XXYLT1: variants seen among roughly 807,000 people sequenced by gnomAD.
XXYLT1 encodes the protein UDP-xylose:alpha-xyloside alpha-1,3-xylosyltransferase.
XXYLT1 carries 20 observed loss-of-function variants against 28.9 expected under a neutral mutation model. The ratio of observed to expected loss-of-function variants is 0.69; its 90% CI spans 0.49 to 1.00. The LOEUF (loss-of-function observed/expected upper bound fraction) is 1.00, where lower values mean the gene tolerates loss of function less well. Among genes scored for constraint, XXYLT1 ranks in the 50% least tolerant of loss-of-function variants. The pLI is 0.00. For synonymous variants in XXYLT1, 257 were observed against 253.8 expected (o/e 1.01, Z -0.12); for missense variants, 542 against 560.1 (o/e 0.97, Z 0.33).
At position 195,171,028 on chromosome 3, in the gene XXYLT1, T is replaced by G. The variant is rs182395106; in HGVS notation, c.653-14447A>C. Among the ~76,000 whole-genome samples the G allele has an allele frequency of 1.1e-3, 167 of 152,324 alleles. 1 individual carries two copies. Among genetic ancestry groups the G allele is most frequent in the Non-Finnish European group, 2.1e-3 (146 of 68,030 alleles). On this transcript the variant is annotated intron_variant, in intron 2 of 3. Transcript: ENST00000310380. Reference sequence around the variant, plus strand: ...TCCCTTCCTGTCAGATTTAAATGACTGTGTAAACCTCACTGCAGACAATGA... The same window carrying G: ...TCCCTTCCTGTCAGATTTAAATGACGGTGTAAACCTCACTGCAGACAATGA...
intron 3 of XXYLT1, among the ~76,000 whole-genome samples, chr3:195,073,553 G>A (rs891782761): frequency 2.6e-5 from 4 of 152,126 alleles, no homozygotes; most frequent in African/African-American, 9.7e-5. Context: ...GGCCTGTGGA[G>A]AGTCTTGTTC....
At chr3:195,111,160 T>C (rs946064672) in intron 3 of XXYLT1, among the ~76,000 whole-genome samples, 1 of 152,018 alleles carries the variant, frequency 6.6e-6, no homozygotes, top group Admixed American at 6.6e-5. Context: ...TCTTTGCTAT[T>C]CCTTAGCACG....
intron 3 of XXYLT1, among the ~76,000 whole-genome samples, chr3:195,109,880 T>G (rs1452128951): frequency 1.9e-5 from 1 of 52,938 alleles, no homozygotes; most frequent in Non-Finnish European, 4.8e-5. Flanking sequence ...TATGTGTGCA[T>G]GTGTGTGGGT....
chr3:195,105,085 C>G (rs1717012732), intron 3 of XXYLT1, among the ~76,000 whole-genome samples: 1 of 152,182 alleles, frequency 6.6e-6, no homozygotes, highest in Non-Finnish European at 1.5e-5. Flanking sequence ...TGTATTTCAT[C>G]CATATAACCA....
At chr3:195,170,477 C>T (rs1172001793) in intron 2 of XXYLT1, among the ~76,000 whole-genome samples, 4 of 152,240 alleles carry the variant, frequency 2.6e-5, no homozygotes, top group Non-Finnish European at 5.9e-5. Context: ...GCTTCTGCAA[C>T]CTTCCTGCTT....
chr3:195,102,759 C>A (rs191608633), intron 3 of XXYLT1, among the ~76,000 whole-genome samples: 1 of 152,150 alleles, frequency 6.6e-6, no homozygotes, highest in African/African-American at 2.4e-5. Flanking sequence ...CTGTGAATAA[C>A]GTTGCCGTGA....
intron 3 of XXYLT1, among the ~76,000 whole-genome samples, chr3:195,153,573 T>C (rs1361781537): frequency 7.9e-5 from 12 of 152,210 alleles, no homozygotes; most frequent in Admixed American, 7.8e-4. Context: ...TAGTACATAA[T>C]GAAAATTAAA....
At chr3:195,083,726 C>A (rs75650619) in intron 3 of XXYLT1, among the ~76,000 whole-genome samples, 2,526 of 152,266 alleles carry the variant, frequency 0.017, 71 homozygotes, top group African/African-American at 0.058. Flanking sequence ...AATGGAGGCC[C>A]AGAGAGTTAC....
chr3:195,160,109 A>T lies in XXYLT1; in HGVS notation c.653-3528T>A, dbSNP rs536043403. Among the ~76,000 whole-genome samples, 7 of 152,188 alleles carry T rather than the reference A, an allele frequency of 4.6e-5. No individual in the cohort carries two copies. In the East Asian group the frequency reaches 1.4e-3, roughly 29 times the overall value. On this transcript the variant is annotated intron_variant, in intron 2 of 3. Coordinates refer to ENST00000310380, the MANE Select transcript of XXYLT1 (RefSeq NM_152531.5). The stretch of plus-strand genomic sequence containing the variant: ...GGAAAAAAAAATCCAGAAGAAAAAA[A>T]TAGTGAGCCTTCTGTCCTCTCCTTT...
At chr3:195,087,668 C>T (rs1460027974) in intron 3 of XXYLT1, among the ~76,000 whole-genome samples, 2 of 152,188 alleles carry the variant, frequency 1.3e-5, no homozygotes, top group Non-Finnish European at 2.9e-5. Context: ...AAATTAGATG[C>T]TACTGGAGGA....
At chr3:195,102,676 T>C (rs1297265282) in intron 3 of XXYLT1, among the ~76,000 whole-genome samples, 1 of 152,228 alleles carries the variant, frequency 6.6e-6, no homozygotes, top group African/African-American at 2.4e-5. Flanking sequence ...TGTGTGTGTG[T>C]GTCTTGTATG....
At chr3:195,164,151 G>T (rs574216409) in intron 2 of XXYLT1, among the ~76,000 whole-genome samples, 1 of 152,216 alleles carries the variant, frequency 6.6e-6, no homozygotes, top group African/African-American at 2.4e-5. Flanking sequence ...CCCACAGAAG[G>T]CAAGAAGTAA....
chr3:195,235,459 A>G (rs1467463982), intron 1 of XXYLT1, among the ~76,000 whole-genome samples: 1 of 152,060 alleles, frequency 6.6e-6, no homozygotes, highest in African/African-American at 2.4e-5. Flanking sequence ...CAAAACAGCT[A>G]TTTTCAATTC....
chr3:195,252,717 C>CAGAGAGAGAGAGAGAG (rs1309512804), intron 1 of XXYLT1, among the ~76,000 whole-genome samples: 2 of 139,490 alleles, frequency 1.4e-5, no homozygotes, highest in African/African-American at 6.2e-5. Flanking sequence ...CACACACACA[C>CAGAGAGAGAGAGAGAG]ACACACACAC....
rs1440737897 is a variant in XXYLT1, at chr3:195,109,980, TGGGTGG to T, written c.786-39875_786-39870del. 5.5e-5 allele frequency among the ~76,000 whole-genome samples: 3 copies of T among 54,598 alleles called. No homozygotes were observed. The East Asian group carries it at 1.0e-3, about 19-fold the overall frequency. 35.8% of individuals were successfully genotyped at this position (54,598 alleles called of 152,430 possible). A position where few individuals can be genotyped will look rare whatever the true frequency, so the allele number is the denominator to read the frequency against. ...TGTGTGTGTGTTGTGTGTATGTGTGTGGGTGGGGGTGTGTGCATGGTGTGTGGTTGT... is the reference window on the plus strand; with the variant it reads ...TGTGTGTGTGTTGTGTGTATGTGTGTGGGTGTGTGCATGGTGTGTGGTTGT... On this transcript the variant is annotated intron_variant, in intron 3 of 3. Transcript: ENST00000310380.
At chr3:195,099,646 C>T (rs9851595) in intron 3 of XXYLT1, among the ~76,000 whole-genome samples, 60,637 of 151,640 alleles carry the variant, frequency 0.4, 12,510 homozygotes, top group East Asian at 0.75. Flanking sequence ...CTGGTTAACA[C>T]GTTGAAACCC....
intron 3 of XXYLT1, among the ~76,000 whole-genome samples, chr3:195,144,918 G>A (rs1405488514): frequency 6.6e-6 from 1 of 152,150 alleles, no homozygotes; most frequent in East Asian, 1.9e-4. Flanking sequence ...AGAAATAGGG[G>A]TGCCTTTTCT....
intron 1 of XXYLT1, among the ~76,000 whole-genome samples, chr3:195,261,542 G>A (rs1232390269): frequency 1.3e-5 from 2 of 152,184 alleles, no homozygotes; most frequent in African/African-American, 2.4e-5. Flanking sequence ...CTTCATACTG[G>A]TAAACATCCC....
intron 3 of XXYLT1, among the ~76,000 whole-genome samples, chr3:195,117,341 T>G (rs1376090670): frequency 6.6e-6 from 1 of 152,182 alleles, no homozygotes; most frequent in Non-Finnish European, 1.5e-5. Context: ...GGGCCATCCA[T>G]CCTATGGACT....
Sources: gnomAD v4.1 joint callset for allele counts (sites outside exome capture counted in the v4.1 genomes callset) on GRCh38, gnomAD v4.1.1 for gene constraint, MANE v1.5 for transcripts, NCBI Gene and HGNC (gene_info 2026-07-23, HGNC 2026-07-21) for gene names.